Variants in ARHGEF9 observed in about 807,000 individuals in gnomAD.
ARHGEF9 encodes the protein Cdc42 guanine nucleotide exchange factor 9, also known as rho guanine nucleotide exchange factor 9.
In ARHGEF9, 2 loss-of-function variants were observed where a neutral mutation model predicts 41.3. That is an observed-to-expected ratio of 0.05 (90% CI 0.02 to 0.15). The LOEUF (loss-of-function observed/expected upper bound fraction) is 0.15. ARHGEF9 is among the 10% of genes least tolerant of loss of function. The pLI, the probability that ARHGEF9 is intolerant of heterozygous loss-of-function variation, is 1.00. For synonymous variants in ARHGEF9, 160 were observed against 154.4 expected, an observed-to-expected ratio of 1.04 and a Z score of -0.27; for missense variants, 225 against 424.7, an observed-to-expected ratio of 0.53 and a Z score of 4.13.
At chrX:63,767,418 A>AT in intron 1 of ARHGEF9, 1 of 380,404 alleles carries the variant, frequency 2.6e-6, no homozygotes. Flanking sequence ...CTTTTAAAAA[A>AT]TTTTTGTTTA....
chrX:63,652,719 T>A (rs2048625546), intron 8 of ARHGEF9, among the ~76,000 whole-genome samples: 1 of 111,433 alleles, frequency 9.0e-6, no homozygotes, highest in Admixed American at 9.6e-5. Flanking sequence ...TTTACAGATA[T>A]AATCAAAGCC....
intron 2 of ARHGEF9, among the ~76,000 whole-genome samples, chrX:63,714,698 A>G (rs2147560877): frequency 8.9e-6 from 1 of 111,810 alleles, no homozygotes; most frequent in East Asian, 2.8e-4. Context: ...AGTTTATTTA[A>G]TCCTTATTAA....
intron 6 of ARHGEF9, among the ~76,000 whole-genome samples, chrX:63,672,674 G>T (rs2050032043): frequency 9.0e-6 from 1 of 111,511 alleles, no homozygotes; most frequent in Non-Finnish European, 1.9e-5. Context: ...GCATTGGGAA[G>T]TTGGGGAGAT....
intron 2 of ARHGEF9, among the ~76,000 whole-genome samples, chrX:63,718,499 G>A (rs1206373398): frequency 9.1e-6 from 1 of 110,089 alleles, no homozygotes; most frequent in Non-Finnish European, 1.9e-5. Flanking sequence ...AAATAAACCC[G>A]GGGGTTGATT....
intron 3 of ARHGEF9, among the ~76,000 whole-genome samples, chrX:63,699,200 C>T (rs1240488920): frequency 9.0e-6 from 1 of 111,699 alleles, no homozygotes; most frequent in Non-Finnish European, 1.9e-5. Flanking sequence ...TTCCTTACCC[C>T]TTCTCCCACT....
intron 1 of ARHGEF9, among the ~76,000 whole-genome samples, chrX:63,751,990 A>C (rs1350530234): frequency 4.5e-5 from 5 of 111,892 alleles, no homozygotes; most frequent in Admixed American, 1.9e-4. Context: ...GACTAGTCTC[A>C]GAGACCCCTT....
intron 1 of ARHGEF9, among the ~76,000 whole-genome samples, chrX:63,737,523 A>G (rs1361924739): frequency 1.1e-4 from 12 of 112,201 alleles, no homozygotes; most frequent in African/African-American, 3.9e-4. Flanking sequence ...GAGTATTTCA[A>G]AATTTTGCCA....
At chrX:63,766,515 G>A (rs2056115957) in intron 1 of ARHGEF9, among the ~76,000 whole-genome samples, 3 of 111,683 alleles carry the variant, frequency 2.7e-5, no homozygotes, top group Admixed American at 9.5e-5. Flanking sequence ...GGTTGCCTGA[G>A]GTTCACGGTA....
At chrX:63,739,714 G>T (rs2054836538) in intron 1 of ARHGEF9, among the ~76,000 whole-genome samples, 1 of 112,057 alleles carries the variant, frequency 8.9e-6, no homozygotes. Flanking sequence ...GAGAAATAAA[G>T]TGAAGTTTCT....
intron 5 of ARHGEF9, among the ~76,000 whole-genome samples, chrX:63,675,592 C>G (rs1467080751): frequency 2.7e-5 from 3 of 111,886 alleles, no homozygotes; most frequent in Non-Finnish European, 5.6e-5. Flanking sequence ...TCCATGTAAA[C>G]TATTTTACTC....
chrX:63,779,746 C>T (rs1203610959), intron 1 of ARHGEF9, among the ~76,000 whole-genome samples: 3 of 111,648 alleles, frequency 2.7e-5, no homozygotes, highest in Admixed American at 1.9e-4. Context: ...AGGCTTTGGC[C>T]CACAGTCCAA....
At chrX:63,687,931 T>C (rs2051089064) in intron 4 of ARHGEF9, among the ~76,000 whole-genome samples, 1 of 110,354 alleles carries the variant, frequency 9.1e-6, no homozygotes, top group Non-Finnish European at 1.9e-5. Flanking sequence ...GAACAAAAGG[T>C]AGAAAGCTTA....
chrX:63,645,976 C>T (rs1315152713), intron 8 of ARHGEF9, among the ~76,000 whole-genome samples: 1 of 112,191 alleles, frequency 8.9e-6, no homozygotes, highest in Non-Finnish European at 1.9e-5. Context: ...TCTCTGATGG[C>T]CAGTGATGAT....
chrX:63,698,245 C>G (rs1186946873), intron 3 of ARHGEF9, among the ~76,000 whole-genome samples: 1 of 108,928 alleles, frequency 9.2e-6, no homozygotes, highest in Non-Finnish European at 1.9e-5. Flanking sequence ...ACACATAAAA[C>G]ACATTAATAA....
intron 1 of ARHGEF9, among the ~76,000 whole-genome samples, chrX:63,733,982 T>C (rs2030732451): frequency 8.9e-6 from 1 of 112,643 alleles, no homozygotes; most frequent in South Asian, 3.7e-4. Context: ...TTCCTGCACT[T>C]CTTCCAAAGG....
chrX:63,694,748 G>T (rs1556385656), intron 4 of ARHGEF9, among the ~76,000 whole-genome samples: 2 of 111,866 alleles, frequency 1.8e-5, no homozygotes, highest in Admixed American at 9.5e-5. Flanking sequence ...TGGAGTTATA[G>T]AAATGTCCTA....
At chrX:63,765,523 C>T (rs2056099800) in intron 1 of ARHGEF9, among the ~76,000 whole-genome samples, 1 of 111,358 alleles carries the variant, frequency 9.0e-6, no homozygotes, top group Non-Finnish European at 1.9e-5. Flanking sequence ...CTGATTTGTA[C>T]CTCACAAAAG....
Position 63,733,583 on chromosome X carries a change from T to C in ARHGEF9, c.31-8872A>G, listed in dbSNP as rs782115767. On this transcript the variant is annotated intron_variant, in intron 1 of 9. Coordinates refer to ENST00000671741, the MANE Select transcript of ARHGEF9 (RefSeq NM_001353921.2). ...AATAATTAATGCACTCAAGTGATAA[T>C]GACTCTAAATATGCTGAATGGAAGT... is the stretch of plus-strand genomic sequence containing the variant. Among the ~76,000 whole-genome samples, 128 of 112,829 alleles carry C rather than the reference T, an allele frequency of 1.1e-3. 1 individual carries two copies. The highest frequency in any genetic ancestry group is 4.0e-3 in the African/African-American group (125 of 31,104).
At chrX:63,697,072 C>T in intron 4 of ARHGEF9, 53 bp downstream of exon 4, 1 of 1,163,215 alleles carries the variant, frequency 8.6e-7, no homozygotes, top group Non-Finnish European at 1.2e-6. Flanking sequence ...AACGCTCCTT[C>T]CATTGTTTCC....
Sources: gnomAD v4.1 joint callset for allele counts (sites outside exome capture counted in the v4.1 genomes callset) on GRCh38, gnomAD v4.1.1 for gene constraint, MANE v1.5 for transcripts, NCBI Gene and HGNC (gene_info 2026-07-23, HGNC 2026-07-21) for gene names.